Variants in GALNT17 observed in about 807,000 individuals in gnomAD.
The protein encoded by GALNT17 is UDP-GalNAc:polypeptide N-acetylgalactosaminyltransferase-like 3.
A neutral mutation model predicts 63.7 loss-of-function variants in GALNT17; 29 were observed. The observed-to-expected ratio is 0.46, with a 90% CI of 0.34 to 0.62. The LOEUF (loss-of-function observed/expected upper bound fraction) is 0.62, where lower values mean the gene tolerates loss of function less well. Ranked by LOEUF, GALNT17 falls within the 20% of genes least tolerant of loss-of-function variation. The pLI is 0.01. For synonymous variants in GALNT17, 305 were observed against 318.3 expected, an observed-to-expected ratio of 0.96 and a Z score of 0.45; for missense variants, 603 against 799.6, an observed-to-expected ratio of 0.75 and a Z score of 2.97.
chr7:71,331,934 T>C (rs1284345876), intron 1 of GALNT17, among the ~76,000 whole-genome samples: 2 of 152,326 alleles, frequency 1.3e-5, no homozygotes, highest in Non-Finnish European at 2.9e-5. Flanking sequence ...TGTGCTGTTA[T>C]TGGCCACACT....
chr7:71,313,161 A>G (rs946292282), intron 1 of GALNT17, among the ~76,000 whole-genome samples: 2 of 152,128 alleles, frequency 1.3e-5, no homozygotes, highest in East Asian at 3.8e-4. Context: ...AAACCCAAGT[A>G]TTTTTCCACT....
intron 6 of GALNT17, among the ~76,000 whole-genome samples, chr7:71,586,780 A>C: frequency 6.6e-6 from 1 of 152,002 alleles, no homozygotes; most frequent in East Asian, 1.9e-4. Flanking sequence ...ACATGTGATA[A>C]TTTAATATGT....
chr7:71,452,260 T>C (rs1332416925), intron 5 of GALNT17, among the ~76,000 whole-genome samples: 1 of 148,992 alleles, frequency 6.7e-6, no homozygotes, highest in African/African-American at 2.5e-5. Flanking sequence ...AAAAAAGATT[T>C]TAGGGCCAGG....
chr7:71,234,038 C>A (rs533855496), intron 1 of GALNT17, among the ~76,000 whole-genome samples: 3 of 152,124 alleles, frequency 2.0e-5, no homozygotes, highest in Non-Finnish European at 4.4e-5. Flanking sequence ...CCCCCGTGAT[C>A]CAGTCACCTC....
At chr7:71,371,225 A>G (rs955325705) in intron 2 of GALNT17, among the ~76,000 whole-genome samples, 2 of 152,180 alleles carry the variant, frequency 1.3e-5, no homozygotes, top group Non-Finnish European at 2.9e-5. Context: ...TGATTTTGCA[A>G]TATGATTTTG....
At chr7:71,143,482 C>A (rs910353071) in intron 1 of GALNT17, among the ~76,000 whole-genome samples, 1 of 150,850 alleles carries the variant, frequency 6.6e-6, no homozygotes, top group East Asian at 1.9e-4. Context: ...TACGAATCTG[C>A]GGGATTCCTG....
At chr7:71,364,973 C>A (rs1792476809) in intron 2 of GALNT17, among the ~76,000 whole-genome samples, 1 of 151,166 alleles carries the variant, frequency 6.6e-6, no homozygotes, top group East Asian at 1.9e-4. Context: ...CTCTGTCCCC[C>A]AGGCTGGAGT....
chr7:71,691,462 A>G (rs905918935), intron 9 of GALNT17, among the ~76,000 whole-genome samples: 3 of 152,246 alleles, frequency 2.0e-5, no homozygotes, highest in Non-Finnish European at 4.4e-5. Flanking sequence ...GTGGTCTGCA[A>G]CTGAACCTGC....
intron 1 of GALNT17, among the ~76,000 whole-genome samples, chr7:71,333,924 T>G (rs948660212): frequency 1.3e-5 from 2 of 152,206 alleles, no homozygotes; most frequent in Non-Finnish European, 2.9e-5. Context: ...ATGGGAAGAA[T>G]CTTTGTGGAG....
At chr7:71,473,869 G>A (rs1029198428) in intron 5 of GALNT17, among the ~76,000 whole-genome samples, 26 of 152,110 alleles carry the variant, frequency 1.7e-4, no homozygotes, top group African/African-American at 5.6e-4. Flanking sequence ...GAGGGTTCTT[G>A]GATCTCACAA....
intron 9 of GALNT17, among the ~76,000 whole-genome samples, chr7:71,690,911 G>A (rs1021210025): frequency 5.9e-5 from 9 of 152,168 alleles, no homozygotes; most frequent in Non-Finnish European, 1.3e-4. Flanking sequence ...TCTTGAGATG[G>A]AATCTACTCC....
intron 2 of GALNT17, among the ~76,000 whole-genome samples, chr7:71,346,893 T>C (rs1312802131): frequency 6.6e-6 from 1 of 152,168 alleles, no homozygotes; most frequent in Non-Finnish European, 1.5e-5. Context: ...GGCCCTAGTA[T>C]GTAGTGTAAT....
At chr7:71,449,972 G>A (rs907640158) in intron 5 of GALNT17, among the ~76,000 whole-genome samples, 9 of 151,218 alleles carry the variant, frequency 6.0e-5, no homozygotes, top group Non-Finnish European at 1.2e-4. Context: ...AACCCGGGAC[G>A]CAGAAGTTGT....
At chr7:71,233,018 A>G (rs1789821789) in intron 1 of GALNT17, among the ~76,000 whole-genome samples, 1 of 152,150 alleles carries the variant, frequency 6.6e-6, no homozygotes, top group South Asian at 2.1e-4. Flanking sequence ...CAACCCTGTG[A>G]AGTAGGTTCT....
chr7:71,231,948 G>A lies in GALNT17; in HGVS notation c.238+98908G>A, dbSNP rs960882322. Among the ~76,000 whole-genome samples the A allele has an allele frequency of 1.2e-4, 19 of 152,148 alleles. No homozygotes were observed. In the East Asian group the frequency reaches 3.7e-3, roughly 30 times the overall value. ...AGCATGAAATTTAGGGGAGGCACAG[G>A]CATTAAGTCCATAACATTGGGGAAG... is the stretch of plus-strand genomic sequence containing the variant. On this transcript the variant is annotated intron_variant, in intron 1 of 10. Coordinates refer to ENST00000333538, the MANE Select transcript of GALNT17 (RefSeq NM_022479.3).
chr7:71,626,992 T>C (rs1584098948), intron 6 of GALNT17, among the ~76,000 whole-genome samples: 1 of 152,194 alleles, frequency 6.6e-6, no homozygotes, highest in East Asian at 1.9e-4. Flanking sequence ...TGACTTCCAG[T>C]CACTTGTGAC....
In GALNT17 at chr7:71,648,163, A is replaced by T. The variant is rs139124305; in HGVS notation, c.1081-17248A>T. Among the ~76,000 whole-genome samples, 473 of 152,302 alleles carry T rather than the reference A, an allele frequency of 3.1e-3. 4 individuals are homozygous for T. The highest frequency in any genetic ancestry group is 9.9e-3 in the African/African-American group (413 of 41,556). ...GCTATTCTCTTGGCTAGTAAATAATAACTACTTTGGTTTTTCTCAGCATTT... is the reference window on the plus strand; with the variant it reads ...GCTATTCTCTTGGCTAGTAAATAATTACTACTTTGGTTTTTCTCAGCATTT... On this transcript the variant is annotated intron_variant, in intron 6 of 10. Coordinates refer to ENST00000333538, the MANE Select transcript of GALNT17 (RefSeq NM_022479.3).
chr7:71,535,212 C>T (rs575463483), intron 5 of GALNT17, among the ~76,000 whole-genome samples: 5 of 152,256 alleles, frequency 3.3e-5, no homozygotes, highest in African/African-American at 7.2e-5. Flanking sequence ...TCCCATTGAC[C>T]GTGGTTACTA....
chr7:71,538,757 T>C (rs1158622836), intron 5 of GALNT17, among the ~76,000 whole-genome samples: 3 of 151,932 alleles, frequency 2.0e-5, no homozygotes, highest in Non-Finnish European at 4.4e-5. Context: ...GGAACTCTTA[T>C]GTCCTCTGTT....
Sources: allele counts gnomAD v4.1 joint callset (sites outside exome capture counted in the v4.1 genomes callset), GRCh38; gene constraint gnomAD v4.1.1; transcripts MANE v1.5; gene names NCBI Gene and HGNC (gene_info 2026-07-23, HGNC 2026-07-21).